Variants in CNTNAP2 observed in about 807,000 individuals in gnomAD.
CNTNAP2 encodes the protein contactin associated protein 2, also known as contactin-associated protein-like 2.
Under a neutral mutation model 155.2 loss-of-function variants are expected in CNTNAP2, and 98 were observed. That is an observed-to-expected ratio of 0.63 (90% CI 0.54 to 0.75). The LOEUF is 0.75. Among genes scored for constraint, CNTNAP2 ranks in the 30% least tolerant of loss-of-function variants. CNTNAP2 has a pLI of 0.00. For synonymous variants in CNTNAP2, 651 were observed against 631.2 expected, an observed-to-expected ratio of 1.03 and a Z score of -0.47; for missense variants, 1,727 against 1,688.1, an observed-to-expected ratio of 1.02 and a Z score of -0.40.
chr7:147,862,706 G>A (rs576300774), intron 13 of CNTNAP2, among the ~76,000 whole-genome samples: 1 of 151,690 alleles, frequency 6.6e-6, no homozygotes, highest in Admixed American at 6.6e-5. Flanking sequence ...CTTGTAAAAA[G>A]GTATTTGTTA....
chr7:146,755,517 A>G (rs1361004569), intron 1 of CNTNAP2, among the ~76,000 whole-genome samples: 1 of 151,938 alleles, frequency 6.6e-6, no homozygotes, highest in Non-Finnish European at 1.5e-5. Flanking sequence ...CTGCTATGTC[A>G]CCTCCAGGAT....
chr7:146,148,725 G>T (rs1797990733), intron 1 of CNTNAP2, among the ~76,000 whole-genome samples: 2 of 152,062 alleles, frequency 1.3e-5, no homozygotes, highest in Non-Finnish European at 2.9e-5. Context: ...TCACAAAATA[G>T]TAATGTATAA....
intron 3 of CNTNAP2, among the ~76,000 whole-genome samples, chr7:147,035,390 C>A (rs898351336): frequency 6.6e-6 from 1 of 152,186 alleles, no homozygotes; most frequent in East Asian, 1.9e-4. Context: ...TCTATTTCTA[C>A]ATTTTGACAT....
Position 148,061,918 on chromosome 7 carries a change from GAT to G in CNTNAP2, c.2384-56196_2384-56195del, listed in dbSNP as rs199735997. ...AGATAGATAGATAGATAGATAAACA[GAT>G]ATAGATAGATAGATAGATAGATAGA... On this transcript the variant is annotated intron_variant, in intron 15 of 23. Transcript: ENST00000361727. Among the ~76,000 whole-genome samples the G allele has an allele frequency of 3.0e-3, 291 of 96,236 alleles. 12 individuals carry two copies. Among genetic ancestry groups the G allele is most frequent in the African/African-American group, 0.011 (246 of 22,442 alleles). The allele number at this position is 96,236 out of a possible 152,430, so 63.1% of individuals were successfully genotyped here.
In CNTNAP2 at chr7:146,275,859, A is replaced by G. The variant is rs147991867; in HGVS notation, c.97+158886A>G. ...TGCTTGATTTACTTTTAGAGCAATG[A>G]TTCCCTCCTGGGAGCAATTTTGCTT... On this transcript the variant is annotated intron_variant, in intron 1 of 23. Transcript: ENST00000361727. Among the ~76,000 whole-genome samples, 3 of 152,324 alleles carry G rather than the reference A, an allele frequency of 2.0e-5. No individual in the cohort carries two copies. In the East Asian group the frequency reaches 5.8e-4, roughly 29 times the overall value.
At chr7:148,190,499 G>A in intron 18 of CNTNAP2, 1 of 152,144 alleles carries the variant, frequency 6.6e-6, no homozygotes, top group South Asian at 2.1e-4. Flanking sequence ...CTTTGTTTTT[G>A]CTAAATCCTT....
At chr7:146,877,740 C>G (rs909437248) in intron 3 of CNTNAP2, among the ~76,000 whole-genome samples, 2 of 151,758 alleles carry the variant, frequency 1.3e-5, no homozygotes, top group Non-Finnish European at 2.9e-5. Flanking sequence ...TGGATATTTA[C>G]TTTGAATGAA....
At chr7:146,651,586 T>G (rs1226677439) in intron 1 of CNTNAP2, among the ~76,000 whole-genome samples, 2 of 152,204 alleles carry the variant, frequency 1.3e-5, no homozygotes, top group African/African-American at 4.8e-5. Flanking sequence ...TCACATTTTA[T>G]GAAGTTCTTC....
At chr7:146,332,941 A>ATTTTTTTT (rs4016094) in intron 1 of CNTNAP2, among the ~76,000 whole-genome samples, 1 of 102,456 alleles carries the variant, frequency 9.8e-6, no homozygotes, top group Non-Finnish European at 2.0e-5. Flanking sequence ...TTCTTCTTCT[A>ATTTTTTTT]TTTTTTTTTT....
intron 1 of CNTNAP2, among the ~76,000 whole-genome samples, chr7:146,745,286 A>G (rs1801790058): frequency 6.6e-6 from 1 of 152,164 alleles, no homozygotes; most frequent in African/African-American, 2.4e-5. Context: ...TATTGCTCCT[A>G]GAGCTTTAAA....
chr7:147,197,879 T>A (rs150419523), intron 8 of CNTNAP2, among the ~76,000 whole-genome samples: 3 of 152,204 alleles, frequency 2.0e-5, no homozygotes, highest in South Asian at 2.1e-4. Flanking sequence ...TTTAAAATTG[T>A]CCAAAAATTT....
chr7:147,463,470 C>A (rs1798060472), intron 10 of CNTNAP2, among the ~76,000 whole-genome samples: 1 of 152,144 alleles, frequency 6.6e-6, no homozygotes. Flanking sequence ...AGCAATAACC[C>A]TCCCCCAGAA....
intron 13 of CNTNAP2, among the ~76,000 whole-genome samples, chr7:147,680,139 A>G (rs1377880311): frequency 6.6e-6 from 1 of 151,940 alleles, no homozygotes; most frequent in Non-Finnish European, 1.5e-5. Flanking sequence ...TGCACAGATC[A>G]GAAACAAAAA....
chr7:148,000,768 A>G (rs372180138), intron 15 of CNTNAP2, among the ~76,000 whole-genome samples: 13 of 152,332 alleles, frequency 8.5e-5, no homozygotes, highest in East Asian at 1.9e-4. Flanking sequence ...GATAATGGCT[A>G]GTTTGGTTTT....
At chr7:146,911,595 G>A (rs1796280138) in intron 3 of CNTNAP2, among the ~76,000 whole-genome samples, 1 of 142,506 alleles carries the variant, frequency 7.0e-6, no homozygotes, top group African/African-American at 2.6e-5. Flanking sequence ...TCATAGGTGG[G>A]AATTGAACAA....
chr7:146,777,154 G>A (rs141985848), intron 2 of CNTNAP2, among the ~76,000 whole-genome samples: 1 of 152,052 alleles, frequency 6.6e-6, no homozygotes, highest in Non-Finnish European at 1.5e-5. Context: ...ATACATTAGG[G>A]TGAAATTATC....
chr7:147,031,867 G>A (rs1164126710), intron 3 of CNTNAP2, among the ~76,000 whole-genome samples: 2 of 152,200 alleles, frequency 1.3e-5, no homozygotes, highest in South Asian at 2.1e-4. Flanking sequence ...TCTGTGAGTT[G>A]AGACCATGCC....
intron 6 of CNTNAP2, among the ~76,000 whole-genome samples, chr7:147,126,460 T>A (rs1801240469): frequency 6.6e-6 from 1 of 152,124 alleles, no homozygotes; most frequent in Admixed American, 6.6e-5. Context: ...ATTTTACCAA[T>A]GAGAATTTTA....
chr7:146,929,497 A>G (rs1796695856), intron 3 of CNTNAP2, among the ~76,000 whole-genome samples: 1 of 152,200 alleles, frequency 6.6e-6, no homozygotes, highest in Admixed American at 6.5e-5. Context: ...GAAAAAACAG[A>G]GCAGAAAAAC....
Sources: allele counts gnomAD v4.1 joint callset (sites outside exome capture counted in the v4.1 genomes callset), GRCh38; gene constraint gnomAD v4.1.1; transcripts MANE v1.5; gene names NCBI Gene and HGNC (gene_info 2026-07-23, HGNC 2026-07-21).